ANKRD28: variants seen among roughly 807,000 people sequenced by gnomAD.
ANKRD28 encodes the protein serine/threonine-protein phosphatase 6 regulatory ankyrin repeat subunit A.
ANKRD28 carries 44 observed loss-of-function variants against 126.5 expected under a neutral mutation model. That is an observed-to-expected ratio of 0.35 (90% CI 0.27 to 0.45). ANKRD28 has a LOEUF of 0.45. ANKRD28 is among the 20% of genes least tolerant of loss of function. The pLI is 1.00. For synonymous variants in ANKRD28, 442 were observed against 468.5 expected (o/e 0.94, Z 0.73); for missense variants, 1,110 against 1,316.6 (o/e 0.84, Z 2.43).
rs545536100 is a variant in ANKRD28, at chr3:15,736,982, G to A, written c.552+51C>T. The A allele has an allele frequency of 3.2e-6, 5 of 1,559,704 alleles. No homozygotes were observed. The African/African-American group carries it at 4.1e-5, about 13-fold the overall frequency. ...AAAAATGCAAGTTCTTTAATAAGTG[G>A]GGGGTGGACAGGAGGAGAGAAAAAT... On this transcript the variant is annotated intron_variant, in intron 5 of 27. Transcript: ENST00000683139.
chr3:15,857,739 T>C (rs2061805451), intron 1 of ANKRD28, among the ~76,000 whole-genome samples: 1 of 152,278 alleles, frequency 6.6e-6, no homozygotes, highest in Non-Finnish European at 1.5e-5. Context: ...ATCCTGTTTC[T>C]GTTAAAACCT....
chr3:15,773,351 G>A (rs1190298794), intron 2 of ANKRD28, among the ~76,000 whole-genome samples: 5 of 152,186 alleles, frequency 3.3e-5, no homozygotes, highest in Admixed American at 2.6e-4. Flanking sequence ...TGGGCCAGAT[G>A]CAGTGGCTCA....
rs575786841 is a variant in ANKRD28 at position 15,833,343 on chromosome 3, C to A, written c.27+26034G>T. Among the ~76,000 whole-genome samples, 6 of 152,212 alleles carry A rather than the reference C, an allele frequency of 3.9e-5. No homozygotes were observed. The East Asian group carries it at 1.2e-3, about 29-fold the overall frequency. On this transcript the variant is annotated intron_variant, in intron 1 of 27. Transcript: ENST00000399451. This position sits in a 1 kb window ranked among gnomAD's most constrained non-coding sequence, Gnocchi z 4.4. ...CATCTTTCTCCTGTGCTGGATACTT[C>A]CTGCCCTCAAGCATTGGACTCCAAG...
At chr3:15,826,216 T>G in intron 1 of ANKRD28, among the ~76,000 whole-genome samples, 1 of 152,222 alleles carries the variant, frequency 6.6e-6, no homozygotes, top group East Asian at 1.9e-4. Context: ...CAGCAGTTTA[T>G]TTGTATCAGA....
upstream of ANKRD28, among the ~76,000 whole-genome samples, chr3:15,798,626 A>C (rs2060380362): frequency 3.3e-5 from 5 of 152,252 alleles, no homozygotes; most frequent in Middle Eastern, 6.8e-3. Context: ...AAGCCTTAAA[A>C]ATCTGTTAAA....
At chr3:15,807,236 G>A (rs1202487948) in intron 1 of ANKRD28, among the ~76,000 whole-genome samples, 12 of 152,184 alleles carry the variant, frequency 7.9e-5, no homozygotes, top group Admixed American at 7.9e-4. Context: ...AGCCCCACAA[G>A]CTGACTTTCC....
chr3:15,766,369 T>C, intron 2 of ANKRD28, 57 bp from the exon 3 acceptor site: 1 of 1,272,726 alleles, frequency 7.9e-7, no homozygotes, highest in Admixed American at 2.0e-5. Flanking sequence ...ATTTTAATAA[T>C]AGTTTTAATA....
At chr3:15,823,538 C>A (rs192544951) in intron 1 of ANKRD28, among the ~76,000 whole-genome samples, 35 of 152,282 alleles carry the variant, frequency 2.3e-4, no homozygotes, top group African/African-American at 8.2e-4. Flanking sequence ...TATTCTTCAA[C>A]AAATAGCGCT....
In ANKRD28 at chr3:15,830,935, C is replaced by T. The variant is rs2061174865; in HGVS notation, c.27+28442G>A. ...AATAAAAACTCTGGACAGCAAACCT[C>T]ACGTGGGTGGCCTTGGTTGGCAATA... is the stretch of plus-strand genomic sequence containing the variant. On this transcript the variant is annotated intron_variant, in intron 1 of 27. Transcript: ENST00000399451. The surrounding 1 kb of genome is among the most constrained non-coding windows in gnomAD (Gnocchi z 4.5). Among the ~76,000 whole-genome samples the T allele has an allele frequency of 6.6e-6, 1 of 152,106 alleles. No individual in the cohort carries two copies. The highest frequency in any genetic ancestry group is 2.1e-4 in the South Asian group (1 of 4,818).
intron 13 of ANKRD28, 23 bp downstream of exon 13, chr3:15,709,644 TA>T: frequency 6.6e-7 from 1 of 1,513,984 alleles, no homozygotes; most frequent in Non-Finnish European, 8.9e-7. Context: ...ATAGGCTCCA[TA>T]AAGAAACTGT....
rs1400783283 is a variant in ANKRD28, at chr3:15,816,820, C to A, written c.28-21514G>T. On this transcript the variant is annotated intron_variant, in intron 1 of 27. Coordinates refer to the ANKRD28 transcript ENST00000399451. This position sits in a 1 kb window ranked among gnomAD's most constrained non-coding sequence, Gnocchi z 5.0. ...AGGAAGCTAGGATAATGAGTAAATC[C>A]AAACTGAGAGTAAATATGTGCATAG... Among the ~76,000 whole-genome samples the A allele has an allele frequency of 6.6e-6, 1 of 152,056 alleles. No homozygotes were observed. Among genetic ancestry groups the A allele is most frequent in the African/African-American group, 2.4e-5 (1 of 41,390 alleles).
At chr3:15,682,171 A>C (rs2067617312) in intron 21 of ANKRD28, among the ~76,000 whole-genome samples, 1 of 152,216 alleles carries the variant, frequency 6.6e-6, no homozygotes, top group South Asian at 2.1e-4. Context: ...ACTAAAAAGA[A>C]AATACTTTTG....
intron 2 of ANKRD28, among the ~76,000 whole-genome samples, chr3:15,784,422 T>C (rs2059676392): frequency 6.6e-6 from 1 of 151,994 alleles, no homozygotes; most frequent in South Asian, 2.1e-4. Flanking sequence ...TCATACTACC[T>C]GTCAAGTGGT....
intron 2 of ANKRD28, among the ~76,000 whole-genome samples, chr3:15,792,741 C>T (rs532181855): frequency 6.6e-6 from 1 of 152,206 alleles, no homozygotes; most frequent in East Asian, 1.9e-4. Context: ...AGGATAAATG[C>T]TTGAGGGGAT....
rs558609520 is a variant in ANKRD28, at chr3:15,797,393, G to T, written c.-872C>A. ...ATCGATAGCATAAGCAAGGCAGAGC[G>T]TTCATTCTTTCTCCATCAGGCAGTT... is the stretch of plus-strand genomic sequence containing the variant. On this transcript the variant is annotated 5_prime_UTR_variant, in exon 1 of 28. Coordinates refer to ENST00000683139, the MANE Select transcript of ANKRD28 (RefSeq NM_001349278.2). The T allele has an allele frequency of 5.1e-6, 5 of 985,196 alleles. No individual in the cohort carries two copies. In the South Asian group the frequency reaches 1.9e-4, roughly 37 times the overall value. 61.0% of individuals were successfully genotyped at this position (985,196 alleles called of 1,614,324 possible).
chr3:15,781,131 G>A (rs558434120), intron 2 of ANKRD28, among the ~76,000 whole-genome samples: 30 of 151,684 alleles, frequency 2.0e-4, no homozygotes, highest in East Asian at 1.7e-3. Context: ...TTAGCAAACC[G>A]TATATTTGAT....
At chr3:15,684,501 A>T (rs1220813635) in intron 21 of ANKRD28, 1 of 152,220 alleles carries the variant, frequency 6.6e-6, no homozygotes, top group Non-Finnish European at 1.5e-5. Flanking sequence ...GTGCTCAGAA[A>T]ACATACATAG....
chr3:15,759,572 C>T (rs138692395), intron 3 of ANKRD28, among the ~76,000 whole-genome samples: 3 of 152,246 alleles, frequency 2.0e-5, no homozygotes, highest in African/African-American at 7.2e-5. Context: ...TACTTGGTTT[C>T]TGAAGAATTC....
chr3:15,763,052 T>C (rs2058573349), intron 3 of ANKRD28, among the ~76,000 whole-genome samples: 1 of 152,264 alleles, frequency 6.6e-6, no homozygotes, highest in Non-Finnish European at 1.5e-5. Flanking sequence ...TCTTTATTTT[T>C]TTTGTTTATA....
Sources: allele counts gnomAD v4.1 joint callset (sites outside exome capture counted in the v4.1 genomes callset), GRCh38; gene constraint gnomAD v4.1.1; non-coding constraint Gnocchi (gnomAD v3.1); transcripts MANE v1.5; gene names NCBI Gene and HGNC (gene_info 2026-07-23, HGNC 2026-07-21).